FRMPD1: variants seen among roughly 807,000 people sequenced by gnomAD.
FRMPD1 encodes FERM and PDZ domain containing 1, also known as FERM and PDZ domain-containing protein 1.
A neutral mutation model predicts 117.8 loss-of-function variants in FRMPD1; 76 were observed. The ratio of observed to expected loss-of-function variants is 0.65; its 90% confidence interval spans 0.54 to 0.78. The LOEUF (loss-of-function observed/expected upper bound fraction) is 0.78. Among genes scored for constraint, FRMPD1 ranks in the 30% least tolerant of loss-of-function variants. FRMPD1 has a pLI of 0.00. For synonymous variants in FRMPD1, 783 were observed against 770.4 expected (o/e 1.02, Z -0.27); for missense variants, 1,786 against 1,964.5 (o/e 0.91, Z 1.72).
intron 2 of FRMPD1, among the ~76,000 whole-genome samples, chr9:37,705,170 G>T (rs1306099230): frequency 6.6e-6 from 1 of 150,886 alleles, no homozygotes; most frequent in Non-Finnish European, 1.5e-5. Context: ...AATTTTCTTT[G>T]TTCATCATTT....
chr9:37,746,099 G>C lies in FRMPD1; in HGVS notation c.4067G>C (p.Arg1356Thr), dbSNP rs1203613879. Residue 1356 changes from arginine (R) to threonine (T), a missense_variant, in exon 16 of 16, where the codon AGG becomes ACG. Transcript: ENST00000377765. ...GPQPETEEEDRDLEAHPMAPL... is the reference protein window; with the variant it reads ...GPQPETEEEDTDLEAHPMAPL... ...CAGCCTGAGACAGAGGAAGAAGACA[G>C]GGACTTGGAAGCACACCCCATGGCC... 6.2e-7 allele frequency: 1 copy of C among 1,614,058 alleles called. No homozygotes were observed. The highest frequency in any genetic ancestry group is 8.5e-7 in the Non-Finnish European group (1 of 1,180,030).
chr9:37,680,114 C>T (rs763781032), intron 1 of FRMPD1, among the ~76,000 whole-genome samples: 1 of 152,204 alleles, frequency 6.6e-6, no homozygotes, highest in East Asian at 1.9e-4. Flanking sequence ...AAGGCACAGC[C>T]TGGATCCCTA....
At chr9:37,742,704 G>C (rs916795930) in intron 15 of FRMPD1, among the ~76,000 whole-genome samples, 2 of 152,184 alleles carry the variant, frequency 1.3e-5, no homozygotes, top group Non-Finnish European at 2.9e-5. Flanking sequence ...TTTGAGACTA[G>C]CCTGGCCAAC....
At chr9:37,667,714 CT>C (rs1480693017) in intron 1 of FRMPD1, among the ~76,000 whole-genome samples, 1 of 151,506 alleles carries the variant, frequency 6.6e-6, no homozygotes, top group Non-Finnish European at 1.5e-5. Context: ...AAGGTTACCC[CT>C]GTGCTTATTT....
At chr9:37,632,509 A>G in the FRMPD1 span, among the ~76,000 whole-genome samples, 1 of 151,854 alleles carries the variant, frequency 6.6e-6, no homozygotes, top group African/African-American at 2.4e-5. Context: ...TCTCTATCTC[A>G]GTTTTCCTCT....
chr9:37,738,558 C>T (rs759721103), intron 14 of FRMPD1, among the ~76,000 whole-genome samples: 3 of 152,250 alleles, frequency 2.0e-5, no homozygotes, highest in Middle Eastern at 3.4e-3. Context: ...AGACTGGTCT[C>T]GAGCCCCTGA....
At chr9:37,734,119 G>A (rs1306021040) in intron 12 of FRMPD1, among the ~76,000 whole-genome samples, 1 of 152,182 alleles carries the variant, frequency 6.6e-6, no homozygotes, top group Non-Finnish European at 1.5e-5. Context: ...CAGGCCTATT[G>A]CTGTGGAGTT....
chr9:37,687,345 G>A (rs1821986212), intron 1 of FRMPD1, among the ~76,000 whole-genome samples: 1 of 152,142 alleles, frequency 6.6e-6, no homozygotes, highest in South Asian at 2.1e-4. Flanking sequence ...CCACCCCCAA[G>A]TTTTTATTTA....
At chr9:37,700,771 G>A (rs1822502184) in intron 2 of FRMPD1, among the ~76,000 whole-genome samples, 1 of 152,172 alleles carries the variant, frequency 6.6e-6, no homozygotes, top group African/African-American at 2.4e-5. Flanking sequence ...CCAGTTATCT[G>A]GCAGGAATTT....
the FRMPD1 span, among the ~76,000 whole-genome samples, chr9:37,611,045 A>G: frequency 6.6e-6 from 1 of 152,242 alleles, no homozygotes; most frequent in Non-Finnish European, 1.5e-5. Context: ...ACCTTTGTGC[A>G]AGCATCATTT....
At chr9:37,736,441 G>C (rs1824129199) in intron 13 of FRMPD1, among the ~76,000 whole-genome samples, 1 of 149,520 alleles carries the variant, frequency 6.7e-6, no homozygotes, top group Non-Finnish European at 1.5e-5. Context: ...TGAGGCAGGA[G>C]AATCACTTAA....
intron 1 of FRMPD1, among the ~76,000 whole-genome samples, chr9:37,660,818 A>T (rs532948375): frequency 6.6e-6 from 1 of 152,200 alleles, no homozygotes; most frequent in Admixed American, 6.5e-5. Context: ...GCAGGGACCG[A>T]GCCTTGCTGC....
At chr9:37,673,792 A>G (rs141302845) in intron 1 of FRMPD1, among the ~76,000 whole-genome samples, 356 of 152,384 alleles carry the variant, frequency 2.3e-3, no homozygotes, top group Non-Finnish European at 4.1e-3. Flanking sequence ...CTGAAGCCAC[A>G]GCCCAAGCTG....
At chr9:37,737,037 C>G in intron 13 of FRMPD1, 59 bp from the exon 14 acceptor site, 1 of 1,361,124 alleles carries the variant, frequency 7.3e-7, no homozygotes, top group Non-Finnish European at 1.0e-6. Context: ...GCTTTGTTGT[C>G]AGTCTTCAGA....
intron 2 of FRMPD1, among the ~76,000 whole-genome samples, chr9:37,699,152 G>A (rs541120618): frequency 3.3e-5 from 5 of 151,418 alleles, no homozygotes; most frequent in South Asian, 4.2e-4. Context: ...GATTACAGGC[G>A]TGAGCCACCG....
chr9:37,609,034 T>TAA, the FRMPD1 span, among the ~76,000 whole-genome samples: 67 of 152,358 alleles, frequency 4.4e-4, 1 homozygote, highest in East Asian at 4.4e-3. Context: ...CTCACGCCTG[T>TAA]AATCCCAGCA....
chr9:37,672,228 T>G (rs1821376022), intron 1 of FRMPD1, among the ~76,000 whole-genome samples: 1 of 151,102 alleles, frequency 6.6e-6, no homozygotes, highest in Non-Finnish European at 1.5e-5. Context: ...TAAACCTATT[T>G]AAAAAGTCAG....
At chr9:37,647,510 CAAAA>C (rs369681968), upstream of FRMPD1, among the ~76,000 whole-genome samples, 3 of 80,338 alleles carry the variant, frequency 3.7e-5, no homozygotes, top group African/African-American at 4.9e-5. Flanking sequence ...GACTCCGTTT[CAAAA>C]AAAAAAAAAA....
In FRMPD1 at chr9:37,708,432, A is replaced by G. The variant is rs1290565001; in HGVS notation, c.293A>G (p.Asp98Gly). ...GSAHGKLFPGDQILQMNNEPA... is the reference protein window; with the variant it reads ...GSAHGKLFPGGQILQMNNEPA... ...GCTCACGGCAAGCTTTTCCCTGGTG[A>G]TCAGATCCTCCAAATGAACAATGAG... Residue 98 changes from aspartate (D) to glycine (G), a missense_variant, in exon 4 of 16, where the codon GAT (aspartate) becomes GGT (glycine). Physicochemically the swap from Asp to Gly is moderately conservative, Grantham distance 94. Transcript: ENST00000377765. The G allele has an allele frequency of 6.2e-7, 1 of 1,613,540 alleles. No homozygotes were observed. The highest frequency in any genetic ancestry group is 8.5e-7 in the Non-Finnish European group (1 of 1,179,432).
Sources: allele counts gnomAD v4.1 joint callset (sites outside exome capture counted in the v4.1 genomes callset), GRCh38; gene constraint gnomAD v4.1.1; transcripts MANE v1.5; gene names NCBI Gene and HGNC (gene_info 2026-07-23, HGNC 2026-07-21).